The following DEF8 variants were observed in gnomAD, a reference collection of about 807,000 sequenced individuals.
DEF8 encodes differentially expressed in FDCP 8 homolog.
DEF8 carries 38 observed loss-of-function variants against 59.1 expected under a neutral mutation model. The ratio of observed to expected loss-of-function variants is 0.64; its 90% CI spans 0.50 to 0.84. The LOEUF (loss-of-function observed/expected upper bound fraction) is 0.84, where lower values mean the gene tolerates loss of function less well. DEF8 is among the 40% of genes least tolerant of loss of function. The probability of loss-of-function intolerance (pLI) is 0.00; values close to 1 mark genes in which losing one functional copy is unlikely to be tolerated. For missense variants in DEF8, 557 were observed against 615.2 expected (o/e 0.91, Z 1.00); for synonymous variants, 265 against 250.1 (o/e 1.06, Z -0.56).
At position 89,966,193 on chromosome 16, in the gene DEF8, T is replaced by C; in HGVS notation, c.*230T>C. ...TGGGTGTGCTGCTGTGAGGGGTCCT[T>C]GCGTGGCCCCCATCCTTCCCCCAAT... On this transcript the variant is annotated 3_prime_UTR_variant, in exon 13 of 13. Coordinates refer to ENST00000563594, the MANE Select transcript of DEF8 (RefSeq NM_001242818.2). 6.4e-6 allele frequency: 3 copies of C among 467,654 alleles called. No homozygotes were observed. The highest frequency in any genetic ancestry group is 1.2e-5 in the Non-Finnish European group (3 of 253,950). 29.0% of individuals were successfully genotyped at this position (467,654 alleles called of 1,614,324 possible).
rs2033955680 is a variant in DEF8, at chr16:89,961,015, A to G, written c.599A>G (p.Tyr200Cys). ...VSSKVSHQAEYELNICPETGL... is the reference protein window; with the variant it reads ...VSSKVSHQAECELNICPETGL... ...TCCAAAGTCAGCCACCAAGCTGAAT[A>G]CGAACTGAACATCTGCCCTGAGACA... Residue 200 changes from tyrosine to cysteine, a missense_variant, in exon 7 of 13, where the codon TAC (tyrosine) becomes TGC (cysteine). Tyr to Cys is a radical substitution (Grantham distance 194). Transcript: ENST00000563594. 6.2e-7 allele frequency: 1 copy of G among 1,614,160 alleles called. No individual in the cohort carries two copies. Among genetic ancestry groups the G allele is most frequent in the Non-Finnish European group, 8.5e-7 (1 of 1,180,032 alleles).
chr16:89,961,849 C>A lies in DEF8; in HGVS notation c.792C>A (p.Asp264Glu). ...VIPARVVHNW[D>E]FEPRKVSRCS... ...CTGCACGCGTTGTACACAACTGGGA[C>A]TTTGAGCCTCGAAAGGTGGGGGTTG... The change falls in exon 8 of 13, where the codon GAC becomes GAA. Residue 264 changes from aspartate (D) to glutamate (E), a missense_variant. Physicochemically the swap from Asp to Glu is conservative, Grantham distance 45. Transcript: ENST00000563594. 3.1e-6 allele frequency: 5 copies of A among 1,603,122 alleles called. No individual in the cohort carries two copies. The highest frequency in any genetic ancestry group is 4.3e-6 in the Non-Finnish European group (5 of 1,173,318).
rs908808048 is a variant in DEF8, at chr16:89,948,831, C to A, written c.-108+17C>A. ...GGCGGTCAGGTGAGCGGCGCGGGGC[C>A]GGCGGGGTCGGGGCCGGCGGGGACG... On this transcript the variant is annotated intron_variant, in intron 1 of 12. Coordinates refer to ENST00000563594, the MANE Select transcript of DEF8 (RefSeq NM_001242818.2). 2 of 955,790 alleles carry A rather than the reference C, an allele frequency of 2.1e-6. No homozygotes were observed. The highest frequency in any genetic ancestry group is 2.1e-5 in the African/African-American group (1 of 48,014). 59.2% of individuals were successfully genotyped at this position (955,790 alleles called of 1,614,324 possible).
Position 89,966,137 on chromosome 16 carries a change from G to C in DEF8, c.*174G>C. The C allele has an allele frequency of 1.8e-6, 1 of 557,132 alleles. No individual in the cohort carries two copies. The highest frequency in any genetic ancestry group is 3.2e-6 in the Non-Finnish European group (1 of 310,254). The allele number at this position is 557,132 out of a possible 1,614,324, so 34.5% of individuals were successfully genotyped here. On this transcript the variant is annotated 3_prime_UTR_variant, in exon 13 of 13. Coordinates refer to ENST00000563594, the MANE Select transcript of DEF8 (RefSeq NM_001242818.2). ...CCCGCTGTCTCCCAGGTGCTTGCTG[G>C]GACTCGGGGCGGCTGCACCTGGCTG...
intron 5 of DEF8, chr16:89,958,558 A>G (rs553633513): frequency 5.3e-5 from 9 of 170,772 alleles, no homozygotes; most frequent in Admixed American, 2.7e-4. Context: ...AGAAAAAAAA[A>G]CCCCAAAACA....
intron 11 of DEF8, 63 bp from the exon 12 acceptor site, chr16:89,964,403 C>CA: frequency 1.3e-6 from 2 of 1,551,304 alleles, no homozygotes; most frequent in Non-Finnish European, 1.7e-6. Flanking sequence ...TCCCTGGCCT[C>CA]AGAGTGCCCA....
intron 9 of DEF8, among the ~76,000 whole-genome samples, chr16:89,962,411 C>T (rs1291000872): frequency 6.6e-6 from 1 of 152,220 alleles, no homozygotes; most frequent in African/African-American, 2.4e-5. Context: ...GTAATCCCAG[C>T]ACTTGGGAGG....
chr16:89,964,651 G>A (rs1242694336), intron 12 of DEF8, 76 bp downstream of exon 12: 5 of 1,139,412 alleles, frequency 4.4e-6, no homozygotes, highest in East Asian at 2.6e-5. Context: ...CTTGGCCTCC[G>A]GTAGGATGAT....
chr16:89,951,687 C>T (rs1002169094), intron 2 of DEF8, among the ~76,000 whole-genome samples: 3 of 152,186 alleles, frequency 2.0e-5, no homozygotes, highest in African/African-American at 7.2e-5. Context: ...TCACGTCACT[C>T]TCCCCAGTGT....
At chr16:89,949,218 G>A (rs2031463462) in intron 1 of DEF8, among the ~76,000 whole-genome samples, 199 bp from the exon 2 acceptor site, 1 of 151,812 alleles carries the variant, frequency 6.6e-6, no homozygotes. Flanking sequence ...GTCCACACCA[G>A]CTGCGTGCGG....
At chr16:89,959,268 G>C in intron 6 of DEF8, 113 bp downstream of exon 6, 3 of 1,552,258 alleles carry the variant, frequency 1.9e-6, no homozygotes, top group Non-Finnish European at 2.6e-6. Context: ...AGCCAAACAT[G>C]GCCAGTCAAA....
At chr16:89,951,816 A>G (rs755590198) in intron 2 of DEF8, among the ~76,000 whole-genome samples, 17 of 152,092 alleles carry the variant, frequency 1.1e-4, no homozygotes, top group Non-Finnish European at 2.1e-4. Flanking sequence ...TTTTTCTCAT[A>G]TGTATGTATA....
chr16:89,957,497 C>A lies in DEF8; in HGVS notation c.223-14C>A. ...GGATGGGCCTTTGACTGCCCCCGCC[C>A]CCAACCTGGGCAGGGTCTGTTCCTG... On this transcript the variant is annotated splice_polypyrimidine_tract_variant and intron_variant, in intron 4 of 12. Coordinates refer to ENST00000563594, the MANE Select transcript of DEF8 (RefSeq NM_001242818.2). 1 of 1,572,860 alleles carries A rather than the reference C, an allele frequency of 6.4e-7. No homozygotes were observed. Among genetic ancestry groups the A allele is most frequent in the South Asian group, 1.2e-5 (1 of 86,074 alleles).
chr16:89,963,354 T>C lies in DEF8; in HGVS notation c.922-9T>C. 6.2e-7 allele frequency: 1 copy of C among 1,613,074 alleles called. No homozygotes were observed. The highest frequency in any genetic ancestry group is 8.5e-7 in the Non-Finnish European group (1 of 1,179,478). On this transcript the variant is annotated splice_polypyrimidine_tract_variant and intron_variant, in intron 9 of 12. Coordinates refer to ENST00000563594, the MANE Select transcript of DEF8 (RefSeq NM_001242818.2). The stretch of plus-strand genomic sequence containing the variant: ...TGAGGAGGCCTGCCTGCTCCCGCCT[T>C]GTTTGCAGAAGCTGCGCCAGGACAT...
chr16:89,961,655 A>T (rs1268076069), intron 7 of DEF8, 82 bp from the exon 8 acceptor site: 1 of 1,562,058 alleles, frequency 6.4e-7, no homozygotes, highest in Non-Finnish European at 8.7e-7. Flanking sequence ...GCTGTGGTCC[A>T]TGGGAGGACA....
rs2033957273 is a variant in DEF8 at position 89,961,022 on chromosome 16, G to C, written c.606G>C (p.Leu202=). 7 of 1,614,160 alleles carry C rather than the reference G, an allele frequency of 4.3e-6. No individual in the cohort carries two copies. Among genetic ancestry groups the C allele is most frequent in the Non-Finnish European group, 5.9e-6 (7 of 1,180,028 alleles). The part of the protein sequence containing the change: ...SKVSHQAEYE[L]NICPETGLDS... ...TCAGCCACCAAGCTGAATACGAACTGAACATCTGCCCTGAGACAGGGCTGG... is the reference window on the plus strand; with the variant it reads ...TCAGCCACCAAGCTGAATACGAACTCAACATCTGCCCTGAGACAGGGCTGG... Residue 202 remains leucine, a synonymous_variant, in exon 7 of 13, where the codon CTG becomes CTC. Transcript: ENST00000563594.
chr16:89,960,653 C>T (rs1019436045), intron 6 of DEF8, among the ~76,000 whole-genome samples: 3 of 151,896 alleles, frequency 2.0e-5, no homozygotes, highest in Non-Finnish European at 2.9e-5. Flanking sequence ...TCGTTTGTTA[C>T]ATTTGGACAG....
chr16:89,949,748 G>A (rs567424957), intron 2 of DEF8: 18 of 1,077,834 alleles, frequency 1.7e-5, no homozygotes, highest in Admixed American at 2.6e-5. Context: ...GGTCCTCCCC[G>A]ATGAGAGCAG....
At chr16:89,959,596 A>G (rs2033749089) in intron 6 of DEF8, among the ~76,000 whole-genome samples, 1 of 152,120 alleles carries the variant, frequency 6.6e-6, no homozygotes, top group African/African-American at 2.4e-5. Flanking sequence ...CCGGGTTCAC[A>G]CCGTTCTCCT....
Sources: gnomAD v4.1 joint callset for allele counts (sites outside exome capture counted in the v4.1 genomes callset) on GRCh38, gnomAD v4.1.1 for gene constraint, MANE v1.5 for transcripts, NCBI Gene and HGNC (gene_info 2026-07-23, HGNC 2026-07-21) for gene names.